Variants in PRKCE observed in about 807,000 individuals in gnomAD.
The protein encoded by PRKCE is protein kinase C epsilon type.
PRKCE carries 16 observed loss-of-function variants against 85.4 expected under a neutral mutation model. The ratio of observed to expected loss-of-function variants is 0.19; its 90% CI spans 0.13 to 0.28. PRKCE has a LOEUF of 0.28. Ranked by LOEUF, PRKCE falls within the 10% of genes least tolerant of loss-of-function variation. The probability of loss-of-function intolerance (pLI) is 1.00; values close to 1 mark genes in which losing one functional copy is unlikely to be tolerated. For missense variants in PRKCE, 573 were observed against 975.2 expected, an observed-to-expected ratio of 0.59 and a Z score of 5.49; for synonymous variants, 388 against 371.5, an observed-to-expected ratio of 1.04 and a Z score of -0.51.
chr2:46,096,103 T>TTGGA (rs1220643924), intron 11 of PRKCE, among the ~76,000 whole-genome samples: 3 of 152,230 alleles, frequency 2.0e-5, no homozygotes, highest in Non-Finnish European at 4.4e-5. Context: ...ACATTGTATG[T>TTGGA]TGGAGACAGC....
At chr2:45,980,024 T>C (rs1159366584) in intron 4 of PRKCE, among the ~76,000 whole-genome samples, 1 of 152,140 alleles carries the variant, frequency 6.6e-6, no homozygotes, top group Non-Finnish European at 1.5e-5. Context: ...AGTGAGAAAA[T>C]TGATCAGTAC....
intron 1 of PRKCE, among the ~76,000 whole-genome samples, chr2:45,681,973 G>A (rs1179582810): frequency 6.6e-6 from 1 of 152,144 alleles, no homozygotes; most frequent in Non-Finnish European, 1.5e-5. Flanking sequence ...CAGACTCAGG[G>A]TTCTCCTCGC....
chr2:46,099,979 T>C (rs891871236), intron 11 of PRKCE, among the ~76,000 whole-genome samples: 2 of 152,192 alleles, frequency 1.3e-5, no homozygotes, highest in African/African-American at 4.8e-5. Flanking sequence ...AGAACTCTAA[T>C]AAAGCTCAGT....
At chr2:45,970,771 A>G (rs1444648997) in intron 2 of PRKCE, among the ~76,000 whole-genome samples, 1 of 151,922 alleles carries the variant, frequency 6.6e-6, no homozygotes, top group Non-Finnish European at 1.5e-5. Context: ...CTTAGGAGAT[A>G]AAGACTGAAG....
At chr2:45,674,407 G>A (rs1676322936) in intron 1 of PRKCE, among the ~76,000 whole-genome samples, 1 of 152,320 alleles carries the variant, frequency 6.6e-6, no homozygotes, top group South Asian at 2.1e-4. Context: ...GGAAAAGATG[G>A]ACTTTTGGGT....
At chr2:45,815,270 A>G (rs1337052776) in intron 1 of PRKCE, among the ~76,000 whole-genome samples, 1 of 152,216 alleles carries the variant, frequency 6.6e-6, no homozygotes, top group Non-Finnish European at 1.5e-5. Flanking sequence ...TTATCCAGAA[A>G]TAATTTGACA....
At chr2:45,864,845 T>G (rs1573658118) in intron 2 of PRKCE, among the ~76,000 whole-genome samples, 1 of 152,306 alleles carries the variant, frequency 6.6e-6, no homozygotes, top group South Asian at 2.1e-4. Context: ...TATGGAGCTG[T>G]GTTTCAGGCT....
At position 45,958,838 on chromosome 2, in the gene PRKCE, T is replaced by A. The variant is rs1444796210; in HGVS notation, c.413-17591T>A. Among the ~76,000 whole-genome samples, 359 of 97,736 alleles carry A rather than the reference T, an allele frequency of 3.7e-3. 10 individuals carry two copies. The highest frequency in any genetic ancestry group is 0.011 in the African/African-American group (306 of 28,726). The allele number at this position is 97,736 out of a possible 152,430, so 64.1% of individuals were successfully genotyped here. A position where few individuals can be genotyped will look rare whatever the true frequency, so the allele number is the denominator to read the frequency against. On this transcript the variant is annotated intron_variant, in intron 2 of 14. Coordinates refer to ENST00000306156, the MANE Select transcript of PRKCE (RefSeq NM_005400.3). ...TATATTTTTTTTTTTTTTTTTTTTT[T>A]TTTTTTTTTTTTTTTTTAATAGAAT...
intron 1 of PRKCE, among the ~76,000 whole-genome samples, chr2:45,705,129 A>G (rs1003609057): frequency 3.3e-5 from 5 of 152,208 alleles, no homozygotes; most frequent in African/African-American, 1.2e-4. Context: ...TTCACTTTCA[A>G]TTCCTTATTC....
intron 1 of PRKCE, among the ~76,000 whole-genome samples, chr2:45,730,358 G>A (rs10186682): frequency 0.055 from 8,336 of 151,748 alleles, 507 homozygotes; most frequent in East Asian, 0.14. Flanking sequence ...GAGTCTTGCT[G>A]TGTTGCCCAG....
intron 2 of PRKCE, among the ~76,000 whole-genome samples, chr2:45,925,640 A>G (rs1698559616): frequency 6.6e-6 from 1 of 152,222 alleles, no homozygotes; most frequent in Admixed American, 6.5e-5. Flanking sequence ...GTAAACATTT[A>G]CTGTGTACCT....
At chr2:46,105,106 T>A (rs1343325618) in intron 11 of PRKCE, among the ~76,000 whole-genome samples, 1 of 152,162 alleles carries the variant, frequency 6.6e-6, no homozygotes, top group African/African-American at 2.4e-5. Flanking sequence ...ATTTTCTTAA[T>A]GGTGTCTGAG....
At chr2:46,126,732 G>A (rs1179213231) in intron 11 of PRKCE, among the ~76,000 whole-genome samples, 1 of 152,178 alleles carries the variant, frequency 6.6e-6, no homozygotes, top group Non-Finnish European at 1.5e-5. Context: ...ATTGACAACT[G>A]TGAATTTCCT....
At chr2:45,708,143 G>T (rs768556246) in intron 1 of PRKCE, among the ~76,000 whole-genome samples, 10 of 151,848 alleles carry the variant, frequency 6.6e-5, no homozygotes, top group Non-Finnish European at 1.5e-4. Flanking sequence ...GGTTGGACTC[G>T]AGAGCCTGCA....
intron 1 of PRKCE, among the ~76,000 whole-genome samples, chr2:45,829,541 A>G (rs1274013922): frequency 6.6e-6 from 1 of 152,202 alleles, no homozygotes; most frequent in Non-Finnish European, 1.5e-5. Context: ...GGGAGATGAA[A>G]GTAGAAGGTG....
At chr2:45,719,851 G>A (rs1299332527) in intron 1 of PRKCE, among the ~76,000 whole-genome samples, 1 of 152,138 alleles carries the variant, frequency 6.6e-6, no homozygotes, top group African/African-American at 2.4e-5. Flanking sequence ...CTTGAGCCCA[G>A]GAGTTCGAAG....
In PRKCE at chr2:45,905,622, T is replaced by C. The variant is rs1256079798; in HGVS notation, c.412+62559T>C. On this transcript the variant is annotated intron_variant, in intron 2 of 14. Transcript: ENST00000306156. The surrounding 1 kb of genome is among the most constrained non-coding windows in gnomAD (Gnocchi z 4.4). Reference sequence around the variant, plus strand: ...GTGTATCCTGGCCCTGCAAGTCCTTTCTAAGGGGCTGAGGGCTGGCCGGGG... The same window carrying C: ...GTGTATCCTGGCCCTGCAAGTCCTTCCTAAGGGGCTGAGGGCTGGCCGGGG... Among the ~76,000 whole-genome samples the C allele has an allele frequency of 6.6e-6, 1 of 152,164 alleles. No individual in the cohort carries two copies. The highest frequency in any genetic ancestry group is 1.5e-5 in the Non-Finnish European group (1 of 68,018).
chr2:45,837,565 A>T (rs182647462), intron 1 of PRKCE, among the ~76,000 whole-genome samples: 44 of 152,296 alleles, frequency 2.9e-4, no homozygotes, highest in African/African-American at 9.9e-4. Context: ...TCTAGGGAGC[A>T]CGTTCTGATT....
chr2:45,999,206 T>G (rs548251929), intron 6 of PRKCE, among the ~76,000 whole-genome samples: 1 of 152,318 alleles, frequency 6.6e-6, no homozygotes, highest in East Asian at 1.9e-4. Context: ...GATCCAAGTT[T>G]CTGAGCTGTA....
Sources: gnomAD v4.1 joint callset for allele counts (sites outside exome capture counted in the v4.1 genomes callset) on GRCh38, gnomAD v4.1.1 for gene constraint, Gnocchi (gnomAD v3.1) non-coding constraint, MANE v1.5 for transcripts, NCBI Gene and HGNC (gene_info 2026-07-23, HGNC 2026-07-21) for gene names.